Variants in GATB observed in about 807,000 individuals in gnomAD.
GATB encodes glutamyl-tRNA(Gln) amidotransferase subunit B, mitochondrial.
In GATB, 39 loss-of-function variants were observed where a neutral mutation model predicts 62.3. The observed-to-expected ratio is 0.63, with a 90% CI of 0.48 to 0.82. The LOEUF (loss-of-function observed/expected upper bound fraction) is 0.82, where lower values mean the gene tolerates loss of function less well. GATB is among the 40% of genes least tolerant of loss of function. The probability of loss-of-function intolerance (pLI) is 0.00; values close to 1 mark genes in which losing one functional copy is unlikely to be tolerated. For synonymous variants in GATB, 276 were observed against 258.9 expected, an observed-to-expected ratio of 1.07 and a Z score of -0.63; for missense variants, 670 against 684.0, an observed-to-expected ratio of 0.98 and a Z score of 0.23.
At chr4:151,721,885 G>T (rs573872791) in intron 2 of GATB, 44 of 365,384 alleles carry the variant, frequency 1.2e-4, no homozygotes, top group African/African-American at 7.0e-4. Flanking sequence ...GTGCACACAA[G>T]CGCACGGGCA....
chr4:151,686,451 C>G (rs927329991), intron 10 of GATB, among the ~76,000 whole-genome samples: 17 of 152,106 alleles, frequency 1.1e-4, no homozygotes, highest in African/African-American at 4.1e-4. Context: ...TCTGTCTTCA[C>G]TCCCCGGGAT....
chr4:151,701,593 T>C, intron 8 of GATB, 75 bp from the exon 9 acceptor site: 4 of 1,061,716 alleles, frequency 3.8e-6, no homozygotes, highest in Non-Finnish European at 5.1e-6. Context: ...CCCCCAGTAA[T>C]ATGAATGTTT....
intron 12 of GATB, 183 bp downstream of exon 12, chr4:151,672,579 C>G: frequency 1.7e-6 from 1 of 591,760 alleles, no homozygotes; most frequent in Non-Finnish European, 2.9e-6. Flanking sequence ...TTGTGTTTTT[C>G]CAATATCCAC....
intron 9 of GATB, among the ~76,000 whole-genome samples, chr4:151,689,812 A>G (rs1738327749): frequency 6.6e-6 from 1 of 152,178 alleles, no homozygotes; most frequent in African/African-American, 2.4e-5. Flanking sequence ...GCATACGACC[A>G]GCCCTGAGGC....
rs1292042185 is a variant in GATB, at chr4:151,716,997, C to A, written c.519G>T (p.Lys173Asn). 2 of 1,614,078 alleles carry A rather than the reference C, an allele frequency of 1.2e-6. No homozygotes were observed. The highest frequency in any genetic ancestry group is 1.3e-5 in the African/African-American group (1 of 74,914). Residue 173 changes from lysine (K) to asparagine (N), a missense_variant, in exon 4 of 13, where the codon AAG becomes AAT. Coordinates refer to ENST00000263985, the MANE Select transcript of GATB (RefSeq NM_004564.3). ...TCTTGGGGATCACCTGACTCTGCTT[C>A]TTCCCTGCACAGACGCCATATATCA... The part of the protein sequence containing the change: ...GSLIYGVCAG[K>N]KQSQVIPKTV...
chr4:151,712,851 T>C (rs1486308083), intron 5 of GATB, among the ~76,000 whole-genome samples: 1 of 152,212 alleles, frequency 6.6e-6, no homozygotes, highest in African/African-American at 2.4e-5. Context: ...ACATTCATTG[T>C]AATATAGCTT....
chr4:151,716,805 G>A (rs779914884), intron 4 of GATB, 71 bp downstream of exon 4: 69 of 1,383,932 alleles, frequency 5.0e-5, no homozygotes, highest in Non-Finnish European at 6.5e-5. Context: ...AAACTCTAGC[G>A]GTGAAAAGAG....
intron 9 of GATB, among the ~76,000 whole-genome samples, chr4:151,697,514 A>G (rs566695008): frequency 2.6e-4 from 39 of 152,154 alleles, no homozygotes; most frequent in Admixed American, 7.2e-4. Context: ...CTTACTGGGT[A>G]TGATGTATAT....
chr4:151,722,842 G>C (rs1739057160), intron 2 of GATB: 3 of 152,256 alleles, frequency 2.0e-5, no homozygotes, highest in African/African-American at 4.8e-5. Context: ...GAGGAGGGAG[G>C]GGATGATATC....
intron 11 of GATB, chr4:151,677,722 G>C (rs992789874): frequency 6.6e-6 from 1 of 152,208 alleles, no homozygotes; most frequent in African/African-American, 2.4e-5. Flanking sequence ...GCCCTAAAAA[G>C]GCGTGAAGGA....
intron 2 of GATB, among the ~76,000 whole-genome samples, chr4:151,750,026 C>T (rs1445205461): frequency 1.3e-5 from 2 of 152,058 alleles, no homozygotes; most frequent in Non-Finnish European, 2.9e-5. Flanking sequence ...GGACTACAGA[C>T]GTCCGCCACC....
At chr4:151,704,831 C>T (rs920926710) in intron 7 of GATB, among the ~76,000 whole-genome samples, 4 of 152,072 alleles carry the variant, frequency 2.6e-5, no homozygotes, top group African/African-American at 7.2e-5. Context: ...TCACTGCAAG[C>T]GCCGCCTCCC....
At chr4:151,754,477 A>T (rs950842950) in intron 2 of GATB, among the ~76,000 whole-genome samples, 2 of 152,176 alleles carry the variant, frequency 1.3e-5, no homozygotes, top group Admixed American at 6.5e-5. Context: ...GGCAACACCC[A>T]TATCTATCGT....
intron 2 of GATB, among the ~76,000 whole-genome samples, chr4:151,729,593 G>T (rs1255623621): frequency 6.6e-6 from 1 of 152,036 alleles, no homozygotes; most frequent in African/African-American, 2.4e-5. Context: ...CATGATGTCT[G>T]CAACTTACTC....
chr4:151,673,090 T>G, intron 11 of GATB, 194 bp from the exon 12 acceptor site: 1 of 619,552 alleles, frequency 1.6e-6, no homozygotes. Flanking sequence ...GAGGCATCCC[T>G]GAGTGCAGGG....
intron 2 of GATB, among the ~76,000 whole-genome samples, chr4:151,732,142 T>C (rs1475991224): frequency 6.7e-6 from 1 of 148,778 alleles, no homozygotes; most frequent in Non-Finnish European, 1.5e-5. Flanking sequence ...GTCCAGGAGG[T>C]GGGGGGCGCC....
chr4:151,704,678 C>T (rs546496065), intron 7 of GATB, among the ~76,000 whole-genome samples: 1 of 151,950 alleles, frequency 6.6e-6, no homozygotes, highest in South Asian at 2.1e-4. Flanking sequence ...TGGTCTCGAT[C>T]TCCTGACCTC....
intron 2 of GATB, chr4:151,722,958 T>C (rs1003967900): frequency 1.3e-5 from 2 of 152,232 alleles, no homozygotes; most frequent in Non-Finnish European, 2.9e-5. Flanking sequence ...AAGTGACAAC[T>C]GATTGTGTGT....
At chr4:151,752,619 A>AAAAGCAGTATTGTGTTT (rs1353870060) in intron 2 of GATB, among the ~76,000 whole-genome samples, 1 of 152,158 alleles carries the variant, frequency 6.6e-6, no homozygotes, top group African/African-American at 2.4e-5. Flanking sequence ...TTCATTTTTT[A>AAAAGCAGTATTGTGTTT]AAAGCAGTAT....
Sources: gnomAD v4.1 joint callset for allele counts (sites outside exome capture counted in the v4.1 genomes callset) on GRCh38, gnomAD v4.1.1 for gene constraint, MANE v1.5 for transcripts, NCBI Gene and HGNC (gene_info 2026-07-23, HGNC 2026-07-21) for gene names.